CEP164: variants seen among roughly 807,000 people sequenced by gnomAD.
CEP164 encodes centrosomal protein 164, also known as centrosomal protein of 164 kDa.
CEP164 carries 162 observed loss-of-function variants against 182.7 expected under a neutral mutation model. That is an observed-to-expected ratio of 0.89 (90% CI 0.78 to 1.01). The LOEUF (loss-of-function observed/expected upper bound fraction) is 1.01. CEP164 is among the 50% of genes least tolerant of loss of function. The pLI, the probability that CEP164 is intolerant of heterozygous loss-of-function variation, is 0.00. For synonymous variants in CEP164, 661 were observed against 690.0 expected, an observed-to-expected ratio of 0.96 and a Z score of 0.66; for missense variants, 1,735 against 1,790.4, an observed-to-expected ratio of 0.97 and a Z score of 0.56.
At chr11:117,375,507 TACC>T (rs1195076140) in intron 10 of CEP164, among the ~76,000 whole-genome samples, 198 bp from the exon 11 acceptor site, 1 of 152,264 alleles carries the variant, frequency 6.6e-6, no homozygotes, top group African/African-American at 2.4e-5. Flanking sequence ...ATTAACATTT[TACC>T]ATACTTGCTT....
At chr11:117,367,061 T>A (rs1227094263) in intron 8 of CEP164, among the ~76,000 whole-genome samples, 1 of 152,200 alleles carries the variant, frequency 6.6e-6, no homozygotes, top group East Asian at 1.9e-4. Flanking sequence ...GTGTTGAGAC[T>A]GAGGCCCCGC....
chr11:117,330,188 C>T (rs1040992754), intron 1 of CEP164, among the ~76,000 whole-genome samples: 2 of 152,096 alleles, frequency 1.3e-5, no homozygotes, highest in Admixed American at 6.6e-5. Flanking sequence ...TTTGCCCTTA[C>T]CTTTGTGTTC....
At chr11:117,364,335 A>C (rs1451434921) in intron 8 of CEP164, among the ~76,000 whole-genome samples, 3 of 152,362 alleles carry the variant, frequency 2.0e-5, no homozygotes, top group East Asian at 3.9e-4. Flanking sequence ...TTTATTAGAA[A>C]GATCACAAAA....
At chr11:117,395,059 C>T in intron 22 of CEP164, 56 bp downstream of exon 22, 1 of 1,609,998 alleles carries the variant, frequency 6.2e-7, no homozygotes, top group Non-Finnish European at 8.5e-7. Context: ...TAGCAGAGGG[C>T]AGGCTCTGCC....
chr11:117,330,954 A>G (rs116344472), intron 1 of CEP164, among the ~76,000 whole-genome samples: 2,007 of 152,298 alleles, frequency 0.013, 41 homozygotes, highest in African/African-American at 0.046. Context: ...AAAGCCAAGA[A>G]TGTTCCAAAG....
Position 117,355,109 on chromosome 11 carries a change from A to G in CEP164, c.393+3121A>G, listed in dbSNP as rs777453353. The G allele has an allele frequency of 3.4e-5, 44 of 1,289,708 alleles. No individual in the cohort carries two copies. The South Asian group carries it at 5.2e-4, about 15-fold the overall frequency. The allele number at this position is 1,289,708 out of a possible 1,614,324, so 79.9% of individuals were successfully genotyped here. On this transcript the variant is annotated intron_variant, in intron 5 of 32. Coordinates refer to ENST00000278935, the MANE Select transcript of CEP164 (RefSeq NM_014956.5). ...GCTGGGTGACACTCCCTGGCGTTTC[A>G]TGGGTGCCCTTCCCAGAAAGCTGCA...
chr11:117,380,740 C>CAGAATT, intron 12 of CEP164, 35 bp downstream of exon 12: 5 of 1,553,754 alleles, frequency 3.2e-6, no homozygotes, highest in Non-Finnish European at 4.4e-6. Context: ...CAGCGCTGTG[C>CAGAATT]CTTCAGGGTG....
At chr11:117,395,340 G>T in intron 23 of CEP164, 149 bp downstream of exon 23, 2 of 1,135,832 alleles carry the variant, frequency 1.8e-6, no homozygotes, top group Non-Finnish European at 2.5e-6. Flanking sequence ...GTGCCACTCT[G>T]TGGACCCCAC....
upstream of CEP164, among the ~76,000 whole-genome samples, chr11:117,323,643 C>T (rs1476188115): frequency 6.6e-6 from 1 of 152,076 alleles, no homozygotes; most frequent in African/African-American, 2.4e-5. Context: ...TGTGGTAGTT[C>T]TATTTTTAAT....
rs1592526322 is a variant in CEP164 at position 117,411,117 on chromosome 11, A to G, written c.4163+223A>G. On this transcript the variant is annotated intron_variant, in intron 31 of 32. Transcript: ENST00000278935. This position sits in a 1 kb window ranked among gnomAD's most constrained non-coding sequence, Gnocchi z 4.4. ...CACACCGCCAAGGTCCCAGTGGGGAAGGGCTGGGCTTACCCTGCCAACCCC... is the reference window on the plus strand; with the variant it reads ...CACACCGCCAAGGTCCCAGTGGGGAGGGGCTGGGCTTACCCTGCCAACCCC... 1 of 533,556 alleles carries G rather than the reference A, an allele frequency of 1.9e-6. No homozygotes were observed. The highest frequency in any genetic ancestry group is 3.1e-5 in the East Asian group (1 of 32,508). The allele number at this position is 533,556 out of a possible 1,614,324, so 33.1% of individuals were successfully genotyped here.
At chr11:117,352,773 G>A (rs1179008347) in intron 5 of CEP164, among the ~76,000 whole-genome samples, 1 of 152,142 alleles carries the variant, frequency 6.6e-6, no homozygotes, top group Middle Eastern at 3.2e-3. Flanking sequence ...TTTTAGTAGA[G>A]TTGGGGTTTC....
In CEP164 at chr11:117,397,037, C is replaced by T. The variant is rs1047911067; in HGVS notation, c.3279-54C>T. Reference sequence around the variant, plus strand: ...CTGCTGGGGAAGGGGCTGTGTGACCCAGAGCAGAGTTCTTAGAGGCTTCTG... The same window carrying T: ...CTGCTGGGGAAGGGGCTGTGTGACCTAGAGCAGAGTTCTTAGAGGCTTCTG... On this transcript the variant is annotated intron_variant, in intron 26 of 32. Coordinates refer to ENST00000278935, the MANE Select transcript of CEP164 (RefSeq NM_014956.5). The T allele has an allele frequency of 3.3e-6, 5 of 1,513,988 alleles. No homozygotes were observed. In the African/African-American group the frequency reaches 5.5e-5, roughly 17 times the overall value. 93.8% of individuals were successfully genotyped at this position (1,513,988 alleles called of 1,614,324 possible). A position where few individuals can be genotyped will look rare whatever the true frequency, so the allele number is the denominator to read the frequency against.
Position 117,408,905 on chromosome 11 carries a change from A to C in CEP164, c.3625A>C (p.Thr1209Pro). The stretch of plus-strand genomic sequence containing the variant: ...TACCCCACAGGCCTCAGATGAGGGC[A>C]CTCTGGGAGGATCCCCCACCAAGAA... ...SLWEEASDEG[T>P]LGGSPTKKAV... The change falls in exon 29 of 33, where the codon ACT (threonine) becomes CCT (proline). Residue 1209 changes from threonine to proline, a missense_variant. Thr to Pro is a conservative substitution (Grantham distance 38). Coordinates refer to ENST00000278935, the MANE Select transcript of CEP164 (RefSeq NM_014956.5). The C allele has an allele frequency of 6.2e-7, 1 of 1,614,052 alleles. No homozygotes were observed. Among genetic ancestry groups the C allele is most frequent in the Non-Finnish European group, 8.5e-7 (1 of 1,179,992 alleles).
rs1347480335 is a variant in CEP164 at position 117,361,963 on chromosome 11, G to A, written c.522G>A (p.Glu174=). 2.3e-5 allele frequency: 36 copies of A among 1,589,888 alleles called. No homozygotes were observed. The highest frequency in any genetic ancestry group is 2.9e-5 in the Non-Finnish European group (34 of 1,171,982). ...GCGTGAGCCTGGGGAGCTCAGTGGAGTCTGGACGTCAGCTTGGAGAACTCA... is the reference window on the plus strand; with the variant it reads ...GCGTGAGCCTGGGGAGCTCAGTGGAATCTGGACGTCAGCTTGGAGAACTCA... ...SQSVSLGSSV[E]SGRQLGELML... is the part of the protein sequence containing the mutation. Residue 174 remains glutamate (E), a synonymous_variant, in exon 6 of 33, where the codon GAG becomes GAA. Transcript: ENST00000278935.
chr11:117,330,721 A>G (rs2036076896), intron 1 of CEP164, among the ~76,000 whole-genome samples: 2 of 152,228 alleles, frequency 1.3e-5, no homozygotes, highest in African/African-American at 2.4e-5. Flanking sequence ...GGTGCTGGAT[A>G]TGTCCTTTGG....
At chr11:117,329,573 G>A (rs1032819919) in intron 1 of CEP164, among the ~76,000 whole-genome samples, 1 of 152,076 alleles carries the variant, frequency 6.6e-6, no homozygotes, top group African/African-American at 2.4e-5. Context: ...ATAGAGTCTT[G>A]CTCTGTCGCC....
At position 117,355,691 on chromosome 11, in the gene CEP164, G is replaced by A. The variant is rs977655803; in HGVS notation, c.393+3703G>A. 3.0e-5 allele frequency: 36 copies of A among 1,188,386 alleles called. No homozygotes were observed. The South Asian group carries it at 3.8e-4, about 13-fold the overall frequency. 73.6% of individuals were successfully genotyped at this position (1,188,386 alleles called of 1,614,324 possible). A position where few individuals can be genotyped will look rare whatever the true frequency, so the allele number is the denominator to read the frequency against. On this transcript the variant is annotated intron_variant, in intron 5 of 32. Transcript: ENST00000278935. ...TGGGGAAGGTGGGAGCATAGGCAGCGGGAGGAGGAGGAGAGAACCTCCTGG... is the reference window on the plus strand; with the variant it reads ...TGGGGAAGGTGGGAGCATAGGCAGCAGGAGGAGGAGGAGAGAACCTCCTGG...
rs1032512213 is a variant in CEP164, at chr11:117,411,076, A to G, written c.4163+182A>G. On this transcript the variant is annotated intron_variant, in intron 31 of 32. Coordinates refer to ENST00000278935, the MANE Select transcript of CEP164 (RefSeq NM_014956.5). The surrounding 1 kb of genome is among the most constrained non-coding windows in gnomAD (Gnocchi z 4.4). ...GGGTCTGAGGCGCCCCTCCATGACCAGGGGAAAGTCAAGTTCACACCGCCA... is the reference window on the plus strand; with the variant it reads ...GGGTCTGAGGCGCCCCTCCATGACCGGGGGAAAGTCAAGTTCACACCGCCA... 3.4e-6 allele frequency: 2 copies of G among 591,644 alleles called. No individual in the cohort carries two copies. The highest frequency in any genetic ancestry group is 5.4e-5 in the Admixed American group (2 of 37,256). The allele number at this position is 591,644 out of a possible 1,614,324, so 36.6% of individuals were successfully genotyped here.
chr11:117,390,994 C>T lies in CEP164; in HGVS notation c.2067-5C>T, dbSNP rs2044583226. 1.2e-6 allele frequency: 2 copies of T among 1,614,066 alleles called. No homozygotes were observed. Among genetic ancestry groups the T allele is most frequent in the Non-Finnish European group, 1.7e-6 (2 of 1,180,016 alleles). On this transcript the variant is annotated splice_region_variant and splice_polypyrimidine_tract_variant and intron_variant, in intron 16 of 32. Transcript: ENST00000278935. ...GCCCGTTACCATTCCACTGTGTCCA[C>T]CCAGGGCTGAGCAAGAGGCTTCCCT...
Sources: gnomAD v4.1 joint callset for allele counts (sites outside exome capture counted in the v4.1 genomes callset) on GRCh38, gnomAD v4.1.1 for gene constraint, Gnocchi (gnomAD v3.1) non-coding constraint, MANE v1.5 for transcripts, NCBI Gene and HGNC (gene_info 2026-07-23, HGNC 2026-07-21) for gene names.